The following SIPA1L3 variants were observed in gnomAD, a reference collection of about 807,000 sequenced individuals.
SIPA1L3 encodes the protein signal induced proliferation associated 1 like 3, also known as signal-induced proliferation-associated 1-like protein 3.
SIPA1L3 carries 59 observed loss-of-function variants against 150.1 expected under a neutral mutation model. The ratio of observed to expected loss-of-function variants is 0.39; its 90% confidence interval spans 0.32 to 0.49. The LOEUF is 0.49. Ranked by LOEUF, SIPA1L3 falls within the 20% of genes least tolerant of loss-of-function variation. The pLI is 0.86. For synonymous variants in SIPA1L3, 1,070 were observed against 1,077.6 expected, an observed-to-expected ratio of 0.99 and a Z score of 0.14; for missense variants, 2,211 against 2,489.5, an observed-to-expected ratio of 0.89 and a Z score of 2.38.
At position 38,071,829 on chromosome 19, in the gene SIPA1L3, G is replaced by T. The variant is rs553530742; in HGVS notation, c.-310-9427G>T. Among the ~76,000 whole-genome samples, 18 of 152,338 alleles carry T rather than the reference G, an allele frequency of 1.2e-4. No homozygotes were observed. The East Asian group carries it at 3.1e-3, about 26-fold the overall frequency. ...AGCCCCTGAGCATCTGGGGTCATTT[G>T]TTACTGCAGCATAGCTTAGCTCATC... On this transcript the variant is annotated intron_variant, in intron 2 of 21. Transcript: ENST00000222345.
intron 1 of SIPA1L3, among the ~76,000 whole-genome samples, chr19:38,027,884 T>C (rs1968549757): frequency 6.6e-6 from 1 of 152,122 alleles, no homozygotes; most frequent in Non-Finnish European, 1.5e-5. Flanking sequence ...ATGAATTCTG[T>C]GCCTCAGTTT....
chr19:37,951,394 T>G (rs2046762519), intron 1 of SIPA1L3, among the ~76,000 whole-genome samples: 1 of 152,222 alleles, frequency 6.6e-6, no homozygotes, highest in African/African-American at 2.4e-5. Context: ...TGTCATCCTT[T>G]GTACAGAATA....
At chr19:38,203,763 G>T in intron 20 of SIPA1L3, 2 of 203,836 alleles carry the variant, frequency 9.8e-6, no homozygotes, top group Non-Finnish European at 2.0e-5. Context: ...GCCTGGACCC[G>T]CCAGGTGCTC....
intron 4 of SIPA1L3, among the ~76,000 whole-genome samples, chr19:38,094,864 C>T (rs778960093): frequency 6.6e-6 from 1 of 151,952 alleles, no homozygotes. Flanking sequence ...GTCAGGGGTT[C>T]GAGACCAGCC....
chr19:37,913,729 A>C (rs987325520), intron 1 of SIPA1L3, among the ~76,000 whole-genome samples: 1 of 150,496 alleles, frequency 6.6e-6, no homozygotes. Context: ...AATTAAAAAA[A>C]ATCCTGGCTG....
At chr19:38,152,361 A>G (rs535070492) in intron 12 of SIPA1L3, among the ~76,000 whole-genome samples, 58 of 152,318 alleles carry the variant, frequency 3.8e-4, no homozygotes, top group African/African-American at 1.3e-3. Context: ...CTGTCTAGGC[A>G]AGAGGCCATG....
chr19:38,138,663 C>T (rs1270419136), intron 10 of SIPA1L3, among the ~76,000 whole-genome samples: 1 of 30,488 alleles, frequency 3.3e-5, no homozygotes, highest in African/African-American at 4.0e-4. Context: ...TTTGGGAGGC[C>T]AAGGTGGGCG....
chr19:37,951,694 A>T (rs353412), intron 1 of SIPA1L3, among the ~76,000 whole-genome samples: 2 of 151,666 alleles, frequency 1.3e-5, no homozygotes, highest in African/African-American at 4.8e-5. Flanking sequence ...GTCAGGAAAT[A>T]GAGACTATCC....
At chr19:37,972,456 G>A (rs1388582945) in intron 1 of SIPA1L3, among the ~76,000 whole-genome samples, 1 of 152,114 alleles carries the variant, frequency 6.6e-6, no homozygotes, top group Non-Finnish European at 1.5e-5. Flanking sequence ...TAATCCCTGT[G>A]CTTTGAGAGG....
chr19:38,193,269 A>C (rs1972842958), intron 17 of SIPA1L3, among the ~76,000 whole-genome samples: 1 of 151,556 alleles, frequency 6.6e-6, no homozygotes, highest in Non-Finnish European at 1.5e-5. Flanking sequence ...GGATCGCTTA[A>C]GCCCAGGAGG....
At chr19:38,121,986 C>T (rs544737698) in intron 9 of SIPA1L3, among the ~76,000 whole-genome samples, 8 of 152,042 alleles carry the variant, frequency 5.3e-5, no homozygotes, top group East Asian at 3.9e-4. Context: ...TTGGGGAGGC[C>T]GAGGTGGATG....
intron 2 of SIPA1L3, among the ~76,000 whole-genome samples, chr19:38,073,699 G>A (rs1346395443): frequency 6.6e-6 from 1 of 152,176 alleles, no homozygotes; most frequent in African/African-American, 2.4e-5. Context: ...GGGAGCCAAG[G>A]AAGCCCTGGA....
intron 16 of SIPA1L3, among the ~76,000 whole-genome samples, chr19:38,190,105 T>C (rs1271650543): frequency 1.3e-5 from 2 of 152,044 alleles, no homozygotes; most frequent in Non-Finnish European, 2.9e-5. Context: ...TTTCCAGAAG[T>C]AGGACTGCTA....
At position 38,171,328 on chromosome 19, in the gene SIPA1L3, C is replaced by T. The variant is rs112304340; in HGVS notation, c.4208+6422C>T. On this transcript the variant is annotated intron_variant, in intron 15 of 21. Transcript: ENST00000222345. Reference sequence around the variant, plus strand: ...GCCAAGGCAGGAGCATCACTTGAGGCCAGGAGTTTGAGACCAGCCTGGGCA... The same window carrying T: ...GCCAAGGCAGGAGCATCACTTGAGGTCAGGAGTTTGAGACCAGCCTGGGCA... Among the ~76,000 whole-genome samples the T allele has an allele frequency of 5.7e-3, 866 of 150,960 alleles. 7 individuals carry two copies. Among genetic ancestry groups the T allele is most frequent in the African/African-American group, 0.02 (819 of 41,096 alleles).
chr19:38,045,756 G>T lies in SIPA1L3; in HGVS notation c.-311+16600G>T, dbSNP rs561142403. Among the ~76,000 whole-genome samples, 3 of 152,166 alleles carry T rather than the reference G, an allele frequency of 2.0e-5. No individual in the cohort carries two copies. The East Asian group carries it at 5.8e-4, about 29-fold the overall frequency. ...CTAGCCTGGGGTGGGCTGGAGGCTG[G>T]GGCATTTTGGCTGGGAGAATAGTCT... On this transcript the variant is annotated intron_variant, in intron 2 of 21. Coordinates refer to ENST00000222345, the MANE Select transcript of SIPA1L3 (RefSeq NM_015073.3).
At chr19:38,193,180 A>T (rs933945660) in intron 17 of SIPA1L3, among the ~76,000 whole-genome samples, 7 of 151,526 alleles carry the variant, frequency 4.6e-5, no homozygotes, top group African/African-American at 9.7e-5. Context: ...TCATCTCTAT[A>T]AAAAAAATGT....
intron 1 of SIPA1L3, among the ~76,000 whole-genome samples, chr19:37,923,589 T>A (rs540740005): frequency 6.6e-6 from 1 of 151,952 alleles, no homozygotes; most frequent in South Asian, 2.1e-4. Context: ...GAGTGGTGAG[T>A]GGATGGGAAA....
Position 38,119,681 on chromosome 19 carries a change from T to G in SIPA1L3, c.2667T>G (p.Ile889Met). The G allele has an allele frequency of 1.9e-6, 3 of 1,614,132 alleles. No homozygotes were observed. Among genetic ancestry groups the G allele is most frequent in the Non-Finnish European group, 2.5e-6 (3 of 1,180,006 alleles). The change falls in exon 9 of 22, where the codon ATT becomes ATG. Residue 889 changes from isoleucine to methionine, a missense_variant. Physicochemically the swap from Ile to Met is conservative, Grantham distance 10 (BLOSUM62 1). Around this residue, in one of 5 missense-constraint regions of SIPA1L3, gnomAD observed 625 missense variants for 804.2 expected, o/e 0.78. Transcript: ENST00000222345. ...CCCAGGGGGTGGAAATCGACTGCAT[T>G]TTGGGAATTTCCAATGAGTTTGTGG... ...DYAQGVEIDC[I>M]LGISNEFVVL...
intron 5 of SIPA1L3, among the ~76,000 whole-genome samples, chr19:38,100,759 G>A (rs921268205): frequency 3.3e-5 from 5 of 152,262 alleles, no homozygotes; most frequent in Non-Finnish European, 5.9e-5. Context: ...TGCCGGCCAA[G>A]GCAACAGTCT....
Sources: gnomAD v4.1 joint callset for allele counts (sites outside exome capture counted in the v4.1 genomes callset) on GRCh38, gnomAD v4.1.1 for gene constraint, gnomAD v4.1.1 regional missense constraint, MANE v1.5 for transcripts, NCBI Gene and HGNC (gene_info 2026-07-23, HGNC 2026-07-21) for gene names.